Variants in ANKRD45 observed in about 807,000 individuals in gnomAD.
ANKRD45 encodes the protein ankyrin repeat domain-containing protein 45.
In ANKRD45, 21 loss-of-function variants were observed where a neutral mutation model predicts 28.1. That is an observed-to-expected ratio of 0.75 (90% CI 0.53 to 1.08). The LOEUF is 1.08. Among genes scored for constraint, ANKRD45 ranks in the 50% least tolerant of loss-of-function variants. The pLI is 0.00. For synonymous variants in ANKRD45, 86 were observed against 103.9 expected (o/e 0.83, Z 1.05); for missense variants, 261 against 308.7 (o/e 0.85, Z 1.16).
intron 4 of ANKRD45, among the ~76,000 whole-genome samples, chr1:173,625,241 AC>A (rs1383614768): frequency 6.6e-6 from 1 of 152,172 alleles, no homozygotes; most frequent in Non-Finnish European, 1.5e-5. Flanking sequence ...AATAAAACTC[AC>A]CATCGAGAGT....
intron 5 of ANKRD45, among the ~76,000 whole-genome samples, chr1:173,616,220 A>G (rs1667463341): frequency 6.6e-6 from 1 of 152,230 alleles, no homozygotes; most frequent in Non-Finnish European, 1.5e-5. Flanking sequence ...TATTATGCCA[A>G]GTGAGAGAGG....
the ANKRD45 span, among the ~76,000 whole-genome samples, chr1:173,681,238 C>A: frequency 1.3e-5 from 2 of 152,068 alleles, no homozygotes; most frequent in African/African-American, 4.8e-5. Flanking sequence ...TTTTACTGTT[C>A]TATTCAGTTA....
At chr1:173,690,116 G>A in the ANKRD45 span, among the ~76,000 whole-genome samples, 21 of 146,366 alleles carry the variant, frequency 1.4e-4, no homozygotes, top group African/African-American at 3.5e-4. Flanking sequence ...GAAGAGGGTC[G>A]GGGCTGACCT....
chr1:173,613,324 C>T (rs1419902319), intron 5 of ANKRD45, among the ~76,000 whole-genome samples: 1 of 151,794 alleles, frequency 6.6e-6, no homozygotes, highest in Non-Finnish European at 1.5e-5. Flanking sequence ...GCAGCCGCCC[C>T]GTCTGAGAAG....
At chr1:173,630,727 G>A (rs1228356565) in intron 3 of ANKRD45, among the ~76,000 whole-genome samples, 9 of 148,860 alleles carry the variant, frequency 6.0e-5, no homozygotes, top group Non-Finnish European at 1.3e-4. Flanking sequence ...GGCTGAGGCA[G>A]GAGAATCGCT....
chr1:173,667,570 G>C, intron 1 of ANKRD45: 1 of 249,970 alleles, frequency 4.0e-6, no homozygotes, highest in Non-Finnish European at 7.9e-6. Flanking sequence ...GTCGGGCATA[G>C]TGGCAGGCGC....
At chr1:173,700,100 A>G in the ANKRD45 span, among the ~76,000 whole-genome samples, 2 of 152,206 alleles carry the variant, frequency 1.3e-5, no homozygotes, top group African/African-American at 2.4e-5. Flanking sequence ...AATGCCTAGG[A>G]ATCTAACTTA....
At chr1:173,628,763 A>G (rs1172338939) in intron 3 of ANKRD45, among the ~76,000 whole-genome samples, 1 of 152,118 alleles carries the variant, frequency 6.6e-6, no homozygotes, top group Non-Finnish European at 1.5e-5. Context: ...TGCTGATTGT[A>G]GACCATTGGG....
At chr1:173,619,941 C>G (rs931461524) in intron 5 of ANKRD45, among the ~76,000 whole-genome samples, 4 of 151,962 alleles carry the variant, frequency 2.6e-5, no homozygotes, top group African/African-American at 9.7e-5. Context: ...ACAGGAGCAC[C>G]CAGATTCATA....
the ANKRD45 span, among the ~76,000 whole-genome samples, chr1:173,680,788 TA>T: frequency 1.0e-4 from 15 of 150,588 alleles, no homozygotes; most frequent in East Asian, 2.0e-4. Context: ...TATGCAGCCA[TA>T]AAAAAAGGAT....
chr1:173,638,665 G>A (rs963600189), intron 3 of ANKRD45, among the ~76,000 whole-genome samples: 1 of 152,152 alleles, frequency 6.6e-6, no homozygotes, highest in Non-Finnish European at 1.5e-5. Context: ...TTAACCTTTG[G>A]GGGGAGATTA....
the ANKRD45 span, among the ~76,000 whole-genome samples, chr1:173,689,488 G>A: frequency 4.4e-3 from 664 of 152,186 alleles, 1 homozygote; most frequent in Middle Eastern, 0.017. Flanking sequence ...CTCACTTAGA[G>A]GACGGTCTTC....
chr1:173,642,078 C>A (rs1668726153), intron 3 of ANKRD45, among the ~76,000 whole-genome samples: 1 of 152,134 alleles, frequency 6.6e-6, no homozygotes, highest in Non-Finnish European at 1.5e-5. Context: ...AATAATACTA[C>A]CCCTGATGGA....
At chr1:173,671,162 A>G (rs771479685), upstream of ANKRD45, among the ~76,000 whole-genome samples, 2 of 151,976 alleles carry the variant, frequency 1.3e-5, no homozygotes, top group Non-Finnish European at 2.9e-5. Flanking sequence ...CCTTTTATGG[A>G]TTAGCCACCC....
intron 3 of ANKRD45, chr1:173,636,891 T>C: frequency 2.0e-6 from 3 of 1,535,876 alleles, no homozygotes; most frequent in Non-Finnish European, 2.6e-6. Context: ...ATCAACAACA[T>C]TGACCAAACA....
chr1:173,685,662 G>A, the ANKRD45 span, among the ~76,000 whole-genome samples: 343 of 152,272 alleles, frequency 2.3e-3, no homozygotes, highest in Middle Eastern at 3.4e-3. Flanking sequence ...CTTGTTGTTA[G>A]ATGGAGGAGG....
At position 173,610,315 on chromosome 1, in the gene ANKRD45, G is replaced by A. The variant is rs1667088672; in HGVS notation, c.731-100C>T. 4.4e-6 allele frequency: 5 copies of A among 1,148,338 alleles called. No homozygotes were observed. In the East Asian group the frequency reaches 1.2e-4, roughly 28 times the overall value. The allele number at this position is 1,148,338 out of a possible 1,614,324, so 71.1% of individuals were successfully genotyped here. On this transcript the variant is annotated intron_variant, in intron 5 of 5. Coordinates refer to ENST00000333279, the MANE Select transcript of ANKRD45 (RefSeq NM_198493.3). ...CAATAAGAATGGAATAAATTAGATTGTCCCAGGCTGAACCAGCTACTAATT... is the reference window on the plus strand; with the variant it reads ...CAATAAGAATGGAATAAATTAGATTATCCCAGGCTGAACCAGCTACTAATT...
At chr1:173,630,388 AAAC>A (rs1260642455) in intron 3 of ANKRD45, among the ~76,000 whole-genome samples, 1 of 152,232 alleles carries the variant, frequency 6.6e-6, no homozygotes, top group African/African-American at 2.4e-5. Context: ...ATATAAATAA[AAAC>A]AACAAAAAGG....
intron 4 of ANKRD45, among the ~76,000 whole-genome samples, chr1:173,626,643 T>C (rs1667951543): frequency 6.6e-6 from 1 of 151,714 alleles, no homozygotes; most frequent in South Asian, 2.1e-4. Flanking sequence ...CTTCAAGAGA[T>C]AACTATGATC....
Sources: gnomAD v4.1 joint callset for allele counts (sites outside exome capture counted in the v4.1 genomes callset) on GRCh38, gnomAD v4.1.1 for gene constraint, MANE v1.5 for transcripts, NCBI Gene and HGNC (gene_info 2026-07-23, HGNC 2026-07-21) for gene names.